Variants in DOK6 observed in about 807,000 individuals in gnomAD.
DOK6 encodes the protein downstream of tyrosine kinase 6.
In DOK6, 22 loss-of-function variants were observed where a neutral mutation model predicts 44.0. The observed-to-expected ratio is 0.50, with a 90% CI of 0.36 to 0.71. The LOEUF (loss-of-function observed/expected upper bound fraction) is 0.71. Among genes scored for constraint, DOK6 ranks in the 30% least tolerant of loss-of-function variants. The pLI, the probability that DOK6 is intolerant of heterozygous loss-of-function variation, is 0.00. For missense variants in DOK6, 340 were observed against 416.4 expected, an observed-to-expected ratio of 0.82 and a Z score of 1.60; for synonymous variants, 166 against 145.5, an observed-to-expected ratio of 1.14 and a Z score of -1.01.
chr18:69,704,548 G>A (rs958349435), intron 5 of DOK6, among the ~76,000 whole-genome samples: 3 of 139,250 alleles, frequency 2.2e-5, no homozygotes, highest in Non-Finnish European at 4.5e-5. Flanking sequence ...GCGCAATCTC[G>A]GCTCACTGCA....
intron 5 of DOK6, among the ~76,000 whole-genome samples, chr18:69,702,017 T>C (rs1018821848): frequency 1.8e-4 from 28 of 151,710 alleles, no homozygotes. Flanking sequence ...AATTAATACA[T>C]AATAAATATG....
Position 69,847,796 on chromosome 18 carries a change from G to A in DOK6, c.*6413G>A, listed in dbSNP as rs1309302322. ...AAAATATATATATATGTATCAGCAG[G>A]TAGAGTGTGGGAGCTCCAACTTTGT... is the stretch of plus-strand genomic sequence containing the variant. On this transcript the variant is annotated 3_prime_UTR_variant, in exon 8 of 8. Transcript: ENST00000382713. 2 of 151,042 alleles carry A rather than the reference G, an allele frequency of 1.3e-5. No individual in the cohort carries two copies. The highest frequency in any genetic ancestry group is 2.9e-5 in the Non-Finnish European group (2 of 67,930). 9.4% of individuals were successfully genotyped at this position (151,042 alleles called of 1,614,324 possible). A position where few individuals can be genotyped will look rare whatever the true frequency, so the allele number is the denominator to read the frequency against.
intron 1 of DOK6, among the ~76,000 whole-genome samples, chr18:69,507,758 A>G (rs1055006132): frequency 2.0e-5 from 3 of 152,052 alleles, no homozygotes; most frequent in Admixed American, 2.0e-4. Flanking sequence ...TGTTAGTTCT[A>G]GAAAGTTCAT....
intron 3 of DOK6, among the ~76,000 whole-genome samples, chr18:69,638,974 G>A (rs978814246): frequency 2.0e-5 from 3 of 152,110 alleles, no homozygotes; most frequent in South Asian, 2.1e-4. Flanking sequence ...TTATAATCCT[G>A]GGAGGTCTTT....
chr18:69,749,163 G>A (rs537385824), intron 6 of DOK6, among the ~76,000 whole-genome samples: 1 of 152,168 alleles, frequency 6.6e-6, no homozygotes, highest in East Asian at 1.9e-4. Context: ...TGGGGGTTGG[G>A]GTGGGGAGAG....
At chr18:69,597,334 A>G (rs887209812) in intron 2 of DOK6, among the ~76,000 whole-genome samples, 2 of 152,198 alleles carry the variant, frequency 1.3e-5, no homozygotes, top group African/African-American at 4.8e-5. Flanking sequence ...GCAAACATTC[A>G]GTTGCAAATC....
intron 1 of DOK6, among the ~76,000 whole-genome samples, chr18:69,511,975 T>C (rs1241152640): frequency 6.6e-6 from 1 of 152,074 alleles, no homozygotes; most frequent in African/African-American, 2.4e-5. Context: ...ACTGATAATA[T>C]CAGTTGGATT....
intron 7 of DOK6, among the ~76,000 whole-genome samples, chr18:69,803,481 G>A (rs1235966608): frequency 6.6e-6 from 1 of 152,144 alleles, no homozygotes; most frequent in Non-Finnish European, 1.5e-5. Flanking sequence ...GAAATAAGAT[G>A]ACTCACAATT....
At chr18:69,809,392 C>G (rs953570525) in intron 7 of DOK6, among the ~76,000 whole-genome samples, 12 of 151,564 alleles carry the variant, frequency 7.9e-5, no homozygotes, top group African/African-American at 2.9e-4. Flanking sequence ...AGATACAGAA[C>G]AAGACAAGGA....
At chr18:69,535,504 C>T (rs962306036) in intron 1 of DOK6, among the ~76,000 whole-genome samples, 1 of 151,682 alleles carries the variant, frequency 6.6e-6, no homozygotes, top group Admixed American at 6.6e-5. Context: ...ACCTTTTCAA[C>T]CCCTAGATTT....
intron 7 of DOK6, among the ~76,000 whole-genome samples, chr18:69,830,530 A>T (rs182200885): frequency 6.6e-6 from 1 of 152,330 alleles, no homozygotes; most frequent in Non-Finnish European, 1.5e-5. Context: ...CTCAGAAGAA[A>T]GCAACCCTGC....
chr18:69,622,248 A>T (rs73459963), intron 3 of DOK6, among the ~76,000 whole-genome samples: 6,667 of 152,234 alleles, frequency 0.044, 461 homozygotes, highest in African/African-American at 0.15. Context: ...CCAGCCCCAT[A>T]AAGAGAGAAA....
chr18:69,631,456 A>C (rs1738067737), intron 3 of DOK6, among the ~76,000 whole-genome samples: 1 of 152,194 alleles, frequency 6.6e-6, no homozygotes, highest in South Asian at 2.1e-4. Context: ...CATGGCACCT[A>C]ACATGAAACT....
intron 3 of DOK6, among the ~76,000 whole-genome samples, chr18:69,651,584 GTT>G (rs61659345): frequency 1.2e-3 from 177 of 150,992 alleles, no homozygotes; most frequent in African/African-American, 4.3e-3. Context: ...TGCCTCCCGG[GTT>G]CAAGCGAATC....
intron 3 of DOK6, among the ~76,000 whole-genome samples, chr18:69,627,678 T>C (rs1311417883): frequency 2.0e-5 from 3 of 152,092 alleles, no homozygotes; most frequent in African/African-American, 7.2e-5. Flanking sequence ...CTCGATCTCC[T>C]GACCTTGTGA....
intron 7 of DOK6, among the ~76,000 whole-genome samples, chr18:69,817,021 A>C (rs1355149927): frequency 6.6e-6 from 1 of 152,214 alleles, no homozygotes; most frequent in African/African-American, 2.4e-5. Context: ...GTAAGTAGTA[A>C]GTAGACACAT....
At chr18:69,783,359 A>G (rs2145091469) in intron 7 of DOK6, among the ~76,000 whole-genome samples, 1 of 152,386 alleles carries the variant, frequency 6.6e-6, no homozygotes, top group African/African-American at 2.4e-5. Context: ...AATGTATCTC[A>G]TAATTTTTAT....
intron 1 of DOK6, among the ~76,000 whole-genome samples, chr18:69,483,017 A>AT (rs1011045557): frequency 6.6e-6 from 1 of 151,584 alleles, no homozygotes; most frequent in African/African-American, 2.4e-5. Flanking sequence ...CATTAGGTAT[A>AT]TTTTCTGATA....
At chr18:69,517,595 T>C (rs1342242061) in intron 1 of DOK6, among the ~76,000 whole-genome samples, 1 of 152,166 alleles carries the variant, frequency 6.6e-6, no homozygotes, top group East Asian at 1.9e-4. Context: ...GTTGCTTTTA[T>C]ATGTTTTTGT....
Sources: gnomAD v4.1 joint callset for allele counts (sites outside exome capture counted in the v4.1 genomes callset) on GRCh38, gnomAD v4.1.1 for gene constraint, MANE v1.5 for transcripts, NCBI Gene and HGNC (gene_info 2026-07-23, HGNC 2026-07-21) for gene names.